SLC7A2: variants seen among roughly 807,000 people sequenced by gnomAD.
The protein encoded by SLC7A2 is solute carrier family 7 member 2, also known as cationic amino acid transporter 2.
A neutral mutation model predicts 58.9 loss-of-function variants in SLC7A2; 48 were observed. The ratio of observed to expected loss-of-function variants is 0.82; its 90% CI spans 0.65 to 1.04. The LOEUF (loss-of-function observed/expected upper bound fraction) is 1.04. Among genes scored for constraint, SLC7A2 ranks in the 50% least tolerant of loss-of-function variants. The pLI is 0.00. For synonymous variants in SLC7A2, 363 were observed against 314.5 expected, an observed-to-expected ratio of 1.15 and a Z score of -1.63; for missense variants, 1,029 against 818.8, an observed-to-expected ratio of 1.26 and a Z score of -3.13.
Position 17,565,328 on chromosome 8 carries a change from C to T in SLC7A2, c.*182C>T, listed in dbSNP as rs537397658. On this transcript the variant is annotated 3_prime_UTR_variant, in exon 13 of 13. Coordinates refer to ENST00000494857, the MANE Select transcript of SLC7A2 (RefSeq NM_001370338.1). Reference sequence around the variant, plus strand: ...ATGGTGAATTATGTGCACGGGGAAACCTCCTGAGTGGAAGTTTCATTCATC... The same window carrying T: ...ATGGTGAATTATGTGCACGGGGAAATCTCCTGAGTGGAAGTTTCATTCATC... The T allele has an allele frequency of 1.6e-5, 9 of 572,194 alleles. No homozygotes were observed. The highest frequency in any genetic ancestry group is 5.6e-5 in the African/African-American group (3 of 53,502). The allele number at this position is 572,194 out of a possible 1,614,324, so 35.4% of individuals were successfully genotyped here.
intron 5 of SLC7A2, 150 bp from the exon 6 acceptor site, chr8:17,550,151 G>A (rs1802376917): frequency 1.4e-6 from 1 of 695,472 alleles, no homozygotes. Flanking sequence ...CTGTAGCACA[G>A]GGTGAGAGAG....
At chr8:17,554,943 T>C (rs201550847) in intron 8 of SLC7A2, 7 of 1,613,782 alleles carry the variant, frequency 4.3e-6, no homozygotes, top group Middle Eastern at 1.6e-4. Flanking sequence ...TTTTCTGTTC[T>C]AGTCTTCTGG....
intron 6 of SLC7A2, among the ~76,000 whole-genome samples, chr8:17,551,370 G>C (rs898695070): frequency 5.3e-5 from 8 of 152,190 alleles, no homozygotes; most frequent in African/African-American, 1.7e-4. Flanking sequence ...ACATTGAGGA[G>C]GGTGGATCAC....
chr8:17,508,655 T>TG (rs1341430290), intron 2 of SLC7A2, among the ~76,000 whole-genome samples: 2 of 151,870 alleles, frequency 1.3e-5, no homozygotes, highest in African/African-American at 4.8e-5. Flanking sequence ...ACCTGGGAGA[T>TG]GGAGGTTACA....
chr8:17,531,341 A>C (rs568624779), intron 2 of SLC7A2, among the ~76,000 whole-genome samples: 1 of 152,142 alleles, frequency 6.6e-6, no homozygotes, highest in Non-Finnish European at 1.5e-5. Flanking sequence ...GGACAGAAAA[A>C]TAAGTTATAG....
intron 2 of SLC7A2, among the ~76,000 whole-genome samples, chr8:17,542,253 C>T (rs2237817): frequency 0.53 from 81,190 of 151,994 alleles, 23,098 homozygotes; most frequent in Admixed American, 0.64. Flanking sequence ...TAAGTTTTTA[C>T]GTGCTTTTAG....
At position 17,543,545 on chromosome 8, in the gene SLC7A2, TG is replaced by T; in HGVS notation, c.208del (p.Val70CysfsTer11). 6.2e-7 allele frequency: 1 copy of T among 1,612,742 alleles called. No individual in the cohort carries two copies. The highest frequency in any genetic ancestry group is 8.5e-7 in the Non-Finnish European group (1 of 1,179,300). ...VAKADSGPSIVVSFLIAALAS... is the reference protein window; with the variant it reads ...VAKADSGPSIXVSFLIAALAS... ...AAGGCAGACTCGGGCCCCAGCATCG[TG>T]GTGTCCTTCCTCATTGCTGCCCTGG... On this transcript the variant is annotated frameshift_variant, in exon 3 of 13. Transcript: ENST00000494857. LOFTEE classifies it high-confidence loss of function.
At chr8:17,511,666 C>G (rs975052424) in intron 2 of SLC7A2, among the ~76,000 whole-genome samples, 2 of 152,134 alleles carry the variant, frequency 1.3e-5, no homozygotes, top group African/African-American at 2.4e-5. Context: ...TTTAAAAAAG[C>G]TACTGGCAGA....
chr8:17,550,509 G>A (rs1802398798), intron 6 of SLC7A2, 75 bp downstream of exon 6: 4 of 1,441,330 alleles, frequency 2.8e-6, no homozygotes, highest in Middle Eastern at 2.2e-4. Flanking sequence ...TGGTAGCAGA[G>A]GGTCCAGGAA....
chr8:17,544,631 T>G (rs1318959060), intron 4 of SLC7A2, 25 bp downstream of exon 4: 1 of 1,606,842 alleles, frequency 6.2e-7, no homozygotes, highest in Non-Finnish European at 8.5e-7. Context: ...TATGAGTCTC[T>G]GCAGAATGAG....
At chr8:17,561,528 G>A (rs1021715744) in intron 10 of SLC7A2, among the ~76,000 whole-genome samples, 4 of 152,122 alleles carry the variant, frequency 2.6e-5, no homozygotes, top group African/African-American at 7.2e-5. Flanking sequence ...AGATTTGGGT[G>A]GGGACACAGC....
At chr8:17,564,368 A>G (rs1026846613) in intron 12 of SLC7A2, among the ~76,000 whole-genome samples, 6 of 152,224 alleles carry the variant, frequency 3.9e-5, no homozygotes, top group African/African-American at 1.4e-4. Context: ...AGCAAAATAC[A>G]GTCTATAAAG....
intron 2 of SLC7A2, chr8:17,538,815 A>G: frequency 1.2e-6 from 2 of 1,613,708 alleles, no homozygotes; most frequent in Middle Eastern, 1.6e-4. Context: ...CCACGAAACT[A>G]GCAACTGGAA....
chr8:17,518,219 T>C (rs1403797266), intron 2 of SLC7A2, among the ~76,000 whole-genome samples: 7 of 87,760 alleles, frequency 8.0e-5, no homozygotes, highest in Non-Finnish European at 1.5e-4. Flanking sequence ...CTTTTCTTTC[T>C]TTTTTTTTTT....
chr8:17,561,057 G>C (rs1350000041), intron 10 of SLC7A2, among the ~76,000 whole-genome samples: 1 of 152,192 alleles, frequency 6.6e-6, no homozygotes, highest in Admixed American at 6.5e-5. Flanking sequence ...GTGGCAAGTA[G>C]GGAAGCACAG....
chr8:17,547,471 A>C (rs970666753), intron 4 of SLC7A2, among the ~76,000 whole-genome samples: 1 of 152,188 alleles, frequency 6.6e-6, no homozygotes, highest in African/African-American at 2.4e-5. Flanking sequence ...ATCAATATGA[A>C]TAGAATATCC....
At position 17,555,136 on chromosome 8, in the gene SLC7A2, C is replaced by T; in HGVS notation, c.1195+437C>T. On this transcript the variant is annotated intron_variant, in intron 8 of 12. Coordinates refer to ENST00000494857, the MANE Select transcript of SLC7A2 (RefSeq NM_001370338.1). ...GCATTAGACTGGAACATTTAATTCGCATGCATGGACTTATAAAGAGGGTCT... is the reference window on the plus strand; with the variant it reads ...GCATTAGACTGGAACATTTAATTCGTATGCATGGACTTATAAAGAGGGTCT... The T allele has an allele frequency of 5.8e-6, 9 of 1,551,822 alleles. No homozygotes were observed. In the South Asian group the frequency reaches 6.9e-5, roughly 12 times the overall value.
chr8:17,522,780 C>A (rs2720539), intron 2 of SLC7A2, among the ~76,000 whole-genome samples: 73,140 of 151,900 alleles, frequency 0.48, 18,647 homozygotes, highest in Middle Eastern at 0.58. Context: ...TCATCCCTGT[C>A]ATCTCAACAC....
chr8:17,538,714 C>G (rs572470562), intron 2 of SLC7A2: 3 of 1,301,818 alleles, frequency 2.3e-6, no homozygotes, highest in African/African-American at 1.5e-5. Context: ...AGATCTAGGG[C>G]AAAAACAGTA....
Sources: allele counts gnomAD v4.1 joint callset (sites outside exome capture counted in the v4.1 genomes callset), GRCh38; gene constraint gnomAD v4.1.1; transcripts MANE v1.5; gene names NCBI Gene and HGNC (gene_info 2026-07-23, HGNC 2026-07-21).